HIBCH: variants seen among roughly 807,000 people sequenced by gnomAD.
HIBCH encodes the protein 3-hydroxyisobutyryl-CoA hydrolase.
HIBCH carries 50 observed loss-of-function variants against 58.2 expected under a neutral mutation model. That is an observed-to-expected ratio of 0.86 (90% CI 0.68 to 1.09). The LOEUF is 1.09. HIBCH is among the 50% of genes least tolerant of loss of function. The pLI is 0.00. For synonymous variants in HIBCH, 151 were observed against 146.9 expected (o/e 1.03, Z -0.20); for missense variants, 450 against 449.7 (o/e 1.00, Z -0.01).
chr2:190,219,983 T>C (rs969653233), intron 11 of HIBCH, among the ~76,000 whole-genome samples: 4 of 152,214 alleles, frequency 2.6e-5, no homozygotes, highest in Non-Finnish European at 4.4e-5. Context: ...CACCTAAAAA[T>C]AAATCTACTC....
At chr2:190,266,330 CTGTTT>C (rs1575736106) in intron 6 of HIBCH, among the ~76,000 whole-genome samples, 1 of 152,142 alleles carries the variant, frequency 6.6e-6, no homozygotes, top group Non-Finnish European at 1.5e-5. Context: ...CAGTATGTCT[CTGTTT>C]TATCTGTTAT....
chr2:190,316,030 ATC>A (rs1264671944), intron 1 of HIBCH, among the ~76,000 whole-genome samples: 1 of 152,240 alleles, frequency 6.6e-6, no homozygotes, highest in Non-Finnish European at 1.5e-5. Context: ...AGACACTGGA[ATC>A]TCTCAGCTTT....
intron 2 of HIBCH, among the ~76,000 whole-genome samples, chr2:190,310,277 C>T (rs1254182773): frequency 6.6e-6 from 1 of 152,184 alleles, no homozygotes; most frequent in Non-Finnish European, 1.5e-5. Context: ...TTCCTTGCTC[C>T]TCAATTTGCG....
intron 3 of HIBCH, among the ~76,000 whole-genome samples, chr2:190,296,212 A>AG (rs1371948558): frequency 2.0e-5 from 3 of 152,186 alleles, no homozygotes; most frequent in Non-Finnish European, 4.4e-5. Flanking sequence ...CAAAGTCAGG[A>AG]GATCAAGACC....
At chr2:190,265,224 G>A (rs1687200103) in intron 6 of HIBCH, among the ~76,000 whole-genome samples, 1 of 149,884 alleles carries the variant, frequency 6.7e-6, no homozygotes. Flanking sequence ...TGCTCCACTA[G>A]CTGTATATGA....
At chr2:190,265,812 T>C (rs541322918) in intron 6 of HIBCH, among the ~76,000 whole-genome samples, 1 of 152,190 alleles carries the variant, frequency 6.6e-6, no homozygotes, top group Non-Finnish European at 1.5e-5. Context: ...TAACATCCTC[T>C]TGTAATCTTT....
chr2:190,225,276 G>C (rs1199546187), intron 11 of HIBCH, among the ~76,000 whole-genome samples: 3 of 152,110 alleles, frequency 2.0e-5, no homozygotes, highest in Admixed American at 6.5e-5. Context: ...GATCAGAGCA[G>C]AACTGAAGGA....
chr2:190,249,602 T>A (rs1372289186), intron 9 of HIBCH, 38 bp downstream of exon 9: 3 of 1,209,586 alleles, frequency 2.5e-6, no homozygotes, highest in Non-Finnish European at 3.7e-6. Flanking sequence ...CCCCTCCCCA[T>A]GAATTAAAAC....
At chr2:190,194,481 C>CAG (rs1406044906) in intron 1 of HIBCH, among the ~76,000 whole-genome samples, 1 of 93,284 alleles carries the variant, frequency 1.1e-5, no homozygotes, top group Non-Finnish European at 2.0e-5. Context: ...TGTGTATACA[C>CAG]ACACACACAC....
chr2:190,191,803 T>G (rs1054083177), intron 1 of HIBCH, among the ~76,000 whole-genome samples: 9 of 152,384 alleles, frequency 5.9e-5, no homozygotes, highest in African/African-American at 1.9e-4. Context: ...TCTCGTTTTC[T>G]AAACTGGGTT....
At chr2:190,261,006 G>C in intron 7 of HIBCH, 150 bp downstream of exon 7, 1 of 650,696 alleles carries the variant, frequency 1.5e-6, no homozygotes, top group Non-Finnish European at 2.7e-6. Flanking sequence ...AGACTTCAAA[G>C]TATCTTCCTA....
Position 190,216,422 on chromosome 2 carries a change from C to T in HIBCH, c.892-3347G>A, listed in dbSNP as rs888739740. 2.6e-5 allele frequency among the ~76,000 whole-genome samples: 4 copies of T among 152,148 alleles called. No individual in the cohort carries two copies. The highest frequency in any genetic ancestry group is 2.9e-5 in the Non-Finnish European group (2 of 68,032). On this transcript the variant is annotated intron_variant, in intron 11 of 13. Coordinates refer to ENST00000359678, the MANE Select transcript of HIBCH (RefSeq NM_014362.4). This position sits in a 1 kb window ranked among gnomAD's most constrained non-coding sequence, Gnocchi z 4.2. ...TTACTGAGAGGCTGTAAGTCCACCA[C>T]GGGCAGCTGTCAGTAAGGCTGCAGA... is the stretch of plus-strand genomic sequence containing the variant.
chr2:190,229,781 T>G (rs1056902746), intron 11 of HIBCH, among the ~76,000 whole-genome samples: 1 of 150,604 alleles, frequency 6.6e-6, no homozygotes, highest in African/African-American at 2.4e-5. Flanking sequence ...CAAGGGCAAA[T>G]AGTGCACAGA....
rs1234727544 is a variant in HIBCH at position 190,197,810 on chromosome 2, A to G, written c.*17+7290T>C. 1.3e-5 allele frequency among the ~76,000 whole-genome samples: 2 copies of G among 152,218 alleles called. No individual in the cohort carries two copies. The highest frequency in any genetic ancestry group is 4.8e-5 in the African/African-American group (2 of 41,456). ...GCACTACTTTGTTAGGGTAAGAAAA[A>G]GCTGCTTTTGCAAAACAAAAGGTCT... On this transcript the variant is annotated intron_variant, in intron 1 of 1. Transcript: ENST00000399855. The surrounding 1 kb of genome is among the most constrained non-coding windows in gnomAD (Gnocchi z 4.0).
At chr2:190,299,371 T>C (rs1031378041) in intron 2 of HIBCH, among the ~76,000 whole-genome samples, 20 of 152,220 alleles carry the variant, frequency 1.3e-4, no homozygotes, top group African/African-American at 4.8e-4. Flanking sequence ...GGAACAATTC[T>C]TAAACAACAG....
At chr2:190,310,497 C>A (rs1688529809) in intron 2 of HIBCH, among the ~76,000 whole-genome samples, 1 of 152,076 alleles carries the variant, frequency 6.6e-6, no homozygotes, top group Non-Finnish European at 1.5e-5. Context: ...TGTAAGAGAC[C>A]AAGTAATCCA....
In HIBCH at chr2:190,237,856, T is replaced by C. The variant is rs1686326461; in HGVS notation, c.891+7031A>G. The stretch of plus-strand genomic sequence containing the variant: ...CCCTGATGGGCCCCAGTGTGTGATG[T>C]TCCCCTCCCTGTGTCAATATGTTCT... On this transcript the variant is annotated intron_variant, in intron 11 of 13. Coordinates refer to ENST00000359678, the MANE Select transcript of HIBCH (RefSeq NM_014362.4). 2.0e-5 allele frequency among the ~76,000 whole-genome samples: 3 copies of C among 152,096 alleles called. No homozygotes were observed. The South Asian group carries it at 6.3e-4, about 32-fold the overall frequency.
chr2:190,262,163 C>CAAAA (rs982653583), intron 6 of HIBCH, among the ~76,000 whole-genome samples: 2,392 of 91,810 alleles, frequency 0.026, 71 homozygotes, highest in African/African-American at 0.088. Flanking sequence ...GCGGTAGAGA[C>CAAAA]AAAAAAAAAA....
chr2:190,248,086 C>T (rs1038871843), intron 9 of HIBCH, among the ~76,000 whole-genome samples: 2 of 151,572 alleles, frequency 1.3e-5, no homozygotes, highest in Admixed American at 6.6e-5. Context: ...AAAATATTTT[C>T]CTCTTAAGTT....
Sources: gnomAD v4.1 joint callset for allele counts (sites outside exome capture counted in the v4.1 genomes callset) on GRCh38, gnomAD v4.1.1 for gene constraint, Gnocchi (gnomAD v3.1) non-coding constraint, MANE v1.5 for transcripts, NCBI Gene and HGNC (gene_info 2026-07-23, HGNC 2026-07-21) for gene names.